The following ZSWIM7 variants were observed in gnomAD, a reference collection of about 807,000 sequenced individuals.
ZSWIM7 encodes zinc finger SWIM-type containing 7.
In ZSWIM7, 22 loss-of-function variants were observed where a neutral mutation model predicts 21.1. The ratio of observed to expected loss-of-function variants is 1.04; its 90% CI spans 0.74 to 1.49. The LOEUF (loss-of-function observed/expected upper bound fraction) is 1.49. Among genes scored for constraint, ZSWIM7 ranks in the 40% most tolerant of loss-of-function variants. ZSWIM7 has a pLI of 0.00. For synonymous variants in ZSWIM7, 67 were observed against 66.5 expected (o/e 1.01, Z -0.04); for missense variants, 193 against 168.0 (o/e 1.15, Z -0.82).
chr17:15,993,914 C>T (rs548082361), intron 1 of ZSWIM7, 136 bp from the exon 2 acceptor site: 2 of 603,340 alleles, frequency 3.3e-6, no homozygotes, highest in African/African-American at 3.7e-5. Context: ...GGTTTTACTC[C>T]TTCCCCAAAC....
chr17:15,993,130 A>C (rs1970506324), intron 2 of ZSWIM7, among the ~76,000 whole-genome samples: 1 of 151,992 alleles, frequency 6.6e-6, no homozygotes, highest in African/African-American at 2.4e-5. Context: ...CACCCACCTC[A>C]GTCTCTCAAA....
chr17:15,983,427 G>A (rs146847151), intron 3 of ZSWIM7, among the ~76,000 whole-genome samples: 9 of 147,248 alleles, frequency 6.1e-5, no homozygotes, highest in African/African-American at 2.0e-4. Flanking sequence ...ATTACCTACT[G>A]CAAGGCTCTG....
chr17:15,979,482 C>T (rs911037626), intron 4 of ZSWIM7, among the ~76,000 whole-genome samples: 1 of 152,208 alleles, frequency 6.6e-6, no homozygotes, highest in African/African-American at 2.4e-5. Flanking sequence ...TCATCATGGC[C>T]CGCTCTCAAT....
At chr17:15,984,196 AG>A (rs1970385455) in intron 3 of ZSWIM7, among the ~76,000 whole-genome samples, 1 of 152,216 alleles carries the variant, frequency 6.6e-6, no homozygotes, top group African/African-American at 2.4e-5. Context: ...AAACACCAAA[AG>A]AGGTTAAATT....
At chr17:15,994,645 G>T (rs781015767) in intron 1 of ZSWIM7, among the ~76,000 whole-genome samples, 1 of 152,144 alleles carries the variant, frequency 6.6e-6, no homozygotes, top group African/African-American at 2.4e-5. Flanking sequence ...ATTTGGACTA[G>T]GGAAAAATAC....
intron 2 of ZSWIM7, among the ~76,000 whole-genome samples, chr17:15,992,913 G>A (rs939124213): frequency 4.0e-5 from 6 of 151,556 alleles, no homozygotes; most frequent in African/African-American, 1.2e-4. Flanking sequence ...AATTTTGCTC[G>A]TTACTTAGGC....
chr17:15,991,148 A>ATACC (rs1204146064), intron 2 of ZSWIM7: 1 of 152,098 alleles, frequency 6.6e-6, no homozygotes, highest in African/African-American at 2.4e-5. Flanking sequence ...GTCCACTTTA[A>ATACC]TACCTACTGT....
At position 15,987,291 on chromosome 17, in the gene ZSWIM7, G is replaced by A. The variant is rs764189883; in HGVS notation, c.176C>T (p.Ser59Leu). Residue 59 changes from serine to leucine, a missense_variant, in exon 3 of 5, where the codon TCA (serine) becomes TTA (leucine). Transcript: ENST00000399277. ...VDRQSITLIS[S>L]PSGRRVYQVL... ...CTGGTAAACACGCCTTCCACTGGGT[G>A]ATGAGATTAAGGTGATGGACTGTCG... 6 of 1,613,234 alleles carry A rather than the reference G, an allele frequency of 3.7e-6. No individual in the cohort carries two copies. The South Asian group carries it at 6.6e-5, about 18-fold the overall frequency.
Position 15,985,442 on chromosome 17 carries a change from T to C in ZSWIM7, c.201+1824A>G, listed in dbSNP as rs372837135. Among the ~76,000 whole-genome samples, 3 of 152,076 alleles carry C rather than the reference T, an allele frequency of 2.0e-5. No homozygotes were observed. In the South Asian group the frequency reaches 6.2e-4, roughly 32 times the overall value. On this transcript the variant is annotated intron_variant, in intron 3 of 4. Coordinates refer to ENST00000399277, the MANE Select transcript of ZSWIM7 (RefSeq NM_001042697.2). ...GGATGAAGAATGACCTATGAAAAGA[T>C]AACTAGCTGGGCACTAAGGCAGTAT...
rs1567789340 is a variant in ZSWIM7, at chr17:15,981,008, A to G, written c.306+32T>C. ...TAAGGGCAATTTCTCTCTACATTCAACTACAGTGGGAAGAGTCTTCCCCAT... is the reference window on the plus strand; with the variant it reads ...TAAGGGCAATTTCTCTCTACATTCAGCTACAGTGGGAAGAGTCTTCCCCAT... On this transcript the variant is annotated intron_variant, in intron 4 of 4. Coordinates refer to ENST00000399277, the MANE Select transcript of ZSWIM7 (RefSeq NM_001042697.2). 3.3e-6 allele frequency: 5 copies of G among 1,533,908 alleles called. No homozygotes were observed. The South Asian group carries it at 4.6e-5, about 14-fold the overall frequency.
In ZSWIM7 at chr17:15,982,645, A is replaced by AT. The variant is rs1289845583; in HGVS notation, c.202-1502dup. ...TTATCCCAGTACAGCTTTTATTAAC[A>AT]TTTTTTTTTAATTTTTGTTTTTTGG... On this transcript the variant is annotated intron_variant, in intron 3 of 4. Transcript: ENST00000399277. Among the ~76,000 whole-genome samples the AT allele has an allele frequency of 9.2e-5, 14 of 152,110 alleles. No homozygotes were observed. The East Asian group carries it at 9.7e-4, about 11-fold the overall frequency.
intron 1 of ZSWIM7, among the ~76,000 whole-genome samples, chr17:15,998,745 T>G (rs1970604499): frequency 7.0e-6 from 1 of 143,556 alleles, no homozygotes; most frequent in African/African-American, 2.7e-5. Flanking sequence ...GTTTTGTGGC[T>G]CTTAAAATGC....
chr17:15,991,910 T>TG (rs1970487857), intron 2 of ZSWIM7, among the ~76,000 whole-genome samples: 1 of 97,416 alleles, frequency 1.0e-5, no homozygotes, highest in South Asian at 2.8e-4. Context: ...TTTTGTTTTT[T>TG]TTTGTTTGTT....
chr17:15,995,214 T>G (rs1970534435), intron 1 of ZSWIM7, among the ~76,000 whole-genome samples: 1 of 152,004 alleles, frequency 6.6e-6, no homozygotes, highest in Non-Finnish European at 1.5e-5. Flanking sequence ...GCAGGAAGAT[T>G]GCTTGAAACC....
intron 3 of ZSWIM7, among the ~76,000 whole-genome samples, chr17:15,981,683 A>G (rs1970357506): frequency 6.6e-6 from 1 of 152,074 alleles, no homozygotes; most frequent in South Asian, 2.1e-4. Context: ...TCGAGGTGGG[A>G]GGATCACTTG....
At chr17:15,993,889 T>G (rs140407268) in intron 1 of ZSWIM7, 111 bp from the exon 2 acceptor site, 2 of 734,224 alleles carry the variant, frequency 2.7e-6, no homozygotes, top group Non-Finnish European at 4.6e-6. Flanking sequence ...GATGGTCAAC[T>G]GAACCTATGC....
In ZSWIM7 at chr17:15,979,066, G is replaced by A. The variant is rs570735521; in HGVS notation, c.307-903C>T. Reference sequence around the variant, plus strand: ...GATTTGGCAGGGTCATAGGACAATAGTGGAGGGAAGGTCAGCAGATAAACA... The same window carrying A: ...GATTTGGCAGGGTCATAGGACAATAATGGAGGGAAGGTCAGCAGATAAACA... On this transcript the variant is annotated intron_variant, in intron 4 of 4. Coordinates refer to ENST00000399277, the MANE Select transcript of ZSWIM7 (RefSeq NM_001042697.2). Among the ~76,000 whole-genome samples the A allele has an allele frequency of 5.2e-3, 785 of 150,024 alleles. 5 individuals are homozygous for A. Among genetic ancestry groups the A allele is most frequent in the African/African-American group, 0.018 (744 of 40,880 alleles).
intron 2 of ZSWIM7, among the ~76,000 whole-genome samples, chr17:15,989,183 AG>A (rs1482707383): frequency 3.9e-5 from 6 of 152,230 alleles, no homozygotes; most frequent in Non-Finnish European, 1.5e-5. Context: ...AATGATATAC[AG>A]GAAAAAACTT....
intron 2 of ZSWIM7, among the ~76,000 whole-genome samples, chr17:15,992,470 G>A (rs1164772343): frequency 1.7e-5 from 2 of 119,864 alleles, no homozygotes; most frequent in Admixed American, 9.2e-5. Context: ...ATAGAGTTTC[G>A]CTTTTATTGC....
Sources: allele counts gnomAD v4.1 joint callset (sites outside exome capture counted in the v4.1 genomes callset), GRCh38; gene constraint gnomAD v4.1.1; transcripts MANE v1.5; gene names NCBI Gene and HGNC (gene_info 2026-07-23, HGNC 2026-07-21).